Variants in ADGB observed in about 807,000 individuals in gnomAD.
ADGB encodes the protein calpain-7-like protein.
In ADGB, 172 loss-of-function variants were observed where a neutral mutation model predicts 210.5. That is an observed-to-expected ratio of 0.82 (90% CI 0.72 to 0.93). The LOEUF (loss-of-function observed/expected upper bound fraction) is 0.93. Among genes scored for constraint, ADGB ranks in the 40% least tolerant of loss-of-function variants. ADGB has a pLI of 0.00. For synonymous variants in ADGB, 658 were observed against 662.7 expected (o/e 0.99, Z 0.11); for missense variants, 2,025 against 1,964.8 (o/e 1.03, Z -0.58).
At chr6:146,755,714 C>G (rs1398071624) in intron 27 of ADGB, among the ~76,000 whole-genome samples, 1 of 151,888 alleles carries the variant, frequency 6.6e-6, no homozygotes, top group Non-Finnish European at 1.5e-5. Flanking sequence ...GAATGCAGTC[C>G]ATTTGCATTA....
chr6:146,721,100 C>T (rs919510125), intron 16 of ADGB, among the ~76,000 whole-genome samples: 2 of 152,168 alleles, frequency 1.3e-5, no homozygotes, highest in African/African-American at 2.4e-5. Flanking sequence ...TCGGCCTCTT[C>T]TCTTTCTCAT....
At chr6:146,737,155 A>G (rs1486582052) in intron 23 of ADGB, among the ~76,000 whole-genome samples, 1 of 152,114 alleles carries the variant, frequency 6.6e-6, no homozygotes, top group East Asian at 1.9e-4. Flanking sequence ...AGAAAAAAAA[A>G]ACCTCTAAAC....
intron 29 of ADGB, among the ~76,000 whole-genome samples, chr6:146,781,585 A>G (rs1290921893): frequency 6.6e-6 from 1 of 152,112 alleles, no homozygotes. Flanking sequence ...TTCCATCTTA[A>G]AAAACTAGAA....
chr6:146,807,494 T>A, intron 35 of ADGB: 1 of 1,551,408 alleles, frequency 6.4e-7, no homozygotes. Flanking sequence ...AGCTGGAAGC[T>A]CTCTCTGCTC....
chr6:146,701,110 A>G, intron 13 of ADGB, 40 bp downstream of exon 13: 1 of 1,543,268 alleles, frequency 6.5e-7, no homozygotes, highest in Non-Finnish European at 8.7e-7. Flanking sequence ...ACTCTTAATG[A>G]GACAAGATTT....
intron 13 of ADGB, among the ~76,000 whole-genome samples, chr6:146,711,881 A>G (rs1776661772): frequency 6.6e-6 from 1 of 151,940 alleles, no homozygotes; most frequent in Non-Finnish European, 1.5e-5. Flanking sequence ...CAAACAAAAA[A>G]AAACAACAAC....
chr6:146,746,167 A>G lies in ADGB; in HGVS notation c.3365+58A>G, dbSNP rs1777233293. On this transcript the variant is annotated intron_variant, in intron 26 of 35. Coordinates refer to ENST00000397944, the MANE Select transcript of ADGB (RefSeq NM_024694.4). ...TTTTAAAAAATATTAATATTTTAGGATAAAAATAAATTCTGCAGTAAAATC... is the reference window on the plus strand; with the variant it reads ...TTTTAAAAAATATTAATATTTTAGGGTAAAAATAAATTCTGCAGTAAAATC... The G allele has an allele frequency of 6.5e-6, 8 of 1,231,030 alleles. No individual in the cohort carries two copies. The South Asian group carries it at 1.3e-4, about 20-fold the overall frequency. The allele number at this position is 1,231,030 out of a possible 1,614,324, so 76.3% of individuals were successfully genotyped here.
At chr6:146,675,484 A>C (rs1276380265) in intron 8 of ADGB, among the ~76,000 whole-genome samples, 2 of 152,082 alleles carry the variant, frequency 1.3e-5, no homozygotes, top group East Asian at 3.9e-4. Context: ...AAAAGAAAAA[A>C]AAAAGCTAAG....
intron 3 of ADGB, among the ~76,000 whole-genome samples, chr6:146,646,897 TG>T (rs1220659514): frequency 6.6e-6 from 1 of 151,942 alleles, no homozygotes; most frequent in African/African-American, 2.4e-5. Flanking sequence ...GAGACCAGCC[TG>T]GCCAACATGG....
intron 2 of ADGB, 132 bp downstream of exon 2, chr6:146,635,669 A>G (rs1775409420): frequency 2.1e-6 from 2 of 957,568 alleles, no homozygotes; most frequent in Non-Finnish European, 2.9e-6. Context: ...TTATTTTTCT[A>G]TCAGCCCCAC....
chr6:146,691,451 TATATATAA>T (rs1776318344), intron 11 of ADGB, among the ~76,000 whole-genome samples, 161 bp downstream of exon 11: 1 of 19,958 alleles, frequency 5.0e-5, no homozygotes, highest in African/African-American at 3.0e-4. Context: ...TAAAAATATA[TATATATAA>T]AAATATATAT....
rs1164980271 is a variant in ADGB, at chr6:146,815,244, T to A, written c.*27T>A. ...CAGGGGATGTCCAATACTACCCTGCTTCTGGAGAGAAAAAATCTATTTGTA... is the reference window on the plus strand; with the variant it reads ...CAGGGGATGTCCAATACTACCCTGCATCTGGAGAGAAAAAATCTATTTGTA... On this transcript the variant is annotated 3_prime_UTR_variant, in exon 36 of 36. Transcript: ENST00000397944. The A allele has an allele frequency of 6.2e-6, 9 of 1,447,548 alleles. No individual in the cohort carries two copies. Among genetic ancestry groups the A allele is most frequent in the Non-Finnish European group, 8.2e-6 (9 of 1,104,140 alleles). 89.7% of individuals were successfully genotyped at this position (1,447,548 alleles called of 1,614,324 possible).
rs562780933 is a variant in ADGB, at chr6:146,720,748, A to G, written c.1993-655A>G. Reference sequence around the variant, plus strand: ...GAGAGAGAGAGAGACAGGAAAGGGGAAAGTGCCACGCACTTTCAAACAACC... The same window carrying G: ...GAGAGAGAGAGAGACAGGAAAGGGGGAAGTGCCACGCACTTTCAAACAACC... On this transcript the variant is annotated intron_variant, in intron 16 of 35. Coordinates refer to ENST00000397944, the MANE Select transcript of ADGB (RefSeq NM_024694.4). Among the ~76,000 whole-genome samples the G allele has an allele frequency of 1.3e-5, 2 of 152,252 alleles. 1 individual carries two copies. The highest frequency in any genetic ancestry group is 4.2e-4 in the South Asian group (2 of 4,816).
Position 146,726,173 on chromosome 6 carries a change from C to A in ADGB, c.2328C>A (p.His776Gln). ...TGTCATTTGTCATTGGGGATGAACACGTTGTACTGCCCAACTTTGAACCAG... is the reference window on the plus strand; with the variant it reads ...TGTCATTTGTCATTGGGGATGAACAAGTTGTACTGCCCAACTTTGAACCAG... Reference protein sequence around the residue: ...SMVSFVIGDEHVVLPNFEPES... With the variant: ...SMVSFVIGDEQVVLPNFEPES... Residue 776 changes from histidine (H) to glutamine (Q), a missense_variant, in exon 19 of 36, where the codon CAC (histidine) becomes CAA (glutamine). His to Gln is a conservative substitution (Grantham distance 24, BLOSUM62 0). Coordinates refer to ENST00000397944, the MANE Select transcript of ADGB (RefSeq NM_024694.4). 2 of 1,548,308 alleles carry A rather than the reference C, an allele frequency of 1.3e-6. No homozygotes were observed. The highest frequency in any genetic ancestry group is 1.7e-6 in the Non-Finnish European group (2 of 1,143,964).
intron 10 of ADGB, among the ~76,000 whole-genome samples, chr6:146,686,778 G>T (rs1158917471): frequency 6.6e-6 from 1 of 152,018 alleles, no homozygotes; most frequent in African/African-American, 2.4e-5. Flanking sequence ...TTGTTACTAG[G>T]ATTTCATAGT....
chr6:146,638,963 G>A (rs1775468910), intron 2 of ADGB: 1 of 150,072 alleles, frequency 6.7e-6, no homozygotes, highest in Non-Finnish European at 1.5e-5. Flanking sequence ...CCTTGCTGTT[G>A]TGCAAGCCTC....
intron 30 of ADGB, among the ~76,000 whole-genome samples, 176 bp downstream of exon 30, chr6:146,782,368 G>A (rs545530965): frequency 6.6e-6 from 1 of 152,276 alleles, no homozygotes; most frequent in South Asian, 2.1e-4. Context: ...CCCTTTTCTA[G>A]TTCAGTATCA....
rs1301677462 is a variant in ADGB, at chr6:146,778,834, A to T, written c.3863-3186A>T. 3.3e-5 allele frequency among the ~76,000 whole-genome samples: 5 copies of T among 152,338 alleles called. No individual in the cohort carries two copies. In the East Asian group the frequency reaches 9.7e-4, roughly 29 times the overall value. On this transcript the variant is annotated intron_variant, in intron 29 of 35. Transcript: ENST00000397944. ...TTGGATAGAAAATAAATCCTGGAGA[A>T]TGGCAGTGAAAATGGCAGGGTAAGA...
chr6:146,696,750 G>T (rs898704629), intron 12 of ADGB, among the ~76,000 whole-genome samples: 2 of 152,188 alleles, frequency 1.3e-5, no homozygotes, highest in Non-Finnish European at 2.9e-5. Flanking sequence ...AAGAGTGCAA[G>T]CTGGTGAGAG....
Sources: allele counts gnomAD v4.1 joint callset (sites outside exome capture counted in the v4.1 genomes callset), GRCh38; gene constraint gnomAD v4.1.1; transcripts MANE v1.5; gene names NCBI Gene and HGNC (gene_info 2026-07-23, HGNC 2026-07-21).